Variants in LRRC37A observed in about 807,000 individuals in gnomAD.
LRRC37A encodes the protein leucine rich repeat containing 37A.
A neutral mutation model predicts 35.4 loss-of-function variants in LRRC37A; 3 were observed. The observed-to-expected ratio is 0.08, with a 90% CI of 0.04 to 0.22. LRRC37A has a LOEUF of 0.22. Among genes scored for constraint, LRRC37A ranks in the 10% least tolerant of loss-of-function variants. The probability of loss-of-function intolerance (pLI) is 1.00; values close to 1 mark genes in which losing one functional copy is unlikely to be tolerated. For synonymous variants in LRRC37A, 23 were observed against 215.0 expected, an observed-to-expected ratio of 0.11 and a Z score of 7.81; for missense variants, 67 against 565.3, an observed-to-expected ratio of 0.12 and a Z score of 8.94.
chr17:46,254,457 G>T, the LRRC37A span, among the ~76,000 whole-genome samples: 1 of 151,660 alleles, frequency 6.6e-6, no homozygotes, highest in African/African-American at 2.4e-5. Flanking sequence ...TCTCACTCTT[G>T]TTTCCCAGGC....
At chr17:46,255,533 A>T in the LRRC37A span, among the ~76,000 whole-genome samples, 5 of 147,306 alleles carry the variant, frequency 3.4e-5, no homozygotes, top group East Asian at 1.1e-3. Context: ...CACCCGGCTA[A>T]TTTTGTATTT....
the LRRC37A span, among the ~76,000 whole-genome samples, chr17:46,268,997 T>G: frequency 6.6e-6 from 1 of 152,384 alleles, no homozygotes; most frequent in African/African-American, 2.4e-5. Context: ...AATATTTTAA[T>G]TTAATACATT....
the LRRC37A span, among the ~76,000 whole-genome samples, chr17:46,280,412 G>A: frequency 6.6e-6 from 1 of 151,370 alleles, no homozygotes; most frequent in South Asian, 2.1e-4. Flanking sequence ...AGTGGCTCAC[G>A]GCTGTAATCC....
chr17:46,307,932 A>C lies in LRRC37A; in HGVS notation c.2906+1623A>C, dbSNP rs1486246407. On this transcript the variant is annotated intron_variant, in intron 5 of 13. Coordinates refer to ENST00000320254, the Ensembl canonical transcript of LRRC37A. ...GAGGCTGAGGCAGGAGAATCACTTG[A>C]AACCAGGAGGCGGAGGTTGCAGTGA... Among the ~76,000 whole-genome samples the C allele has an allele frequency of 2.7e-5, 2 of 75,440 alleles. 1 individual carries two copies. Among genetic ancestry groups the C allele is most frequent in the East Asian group, 5.1e-4 (2 of 3,924 alleles). The allele number at this position is 75,440 out of a possible 152,430, so 49.5% of individuals were successfully genotyped here.
chr17:46,317,148 C>T (rs1385949843), intron 5 of LRRC37A, among the ~76,000 whole-genome samples: 3 of 90,142 alleles, frequency 3.3e-5, no homozygotes, highest in African/African-American at 5.9e-5. Context: ...GATGGGGTGG[C>T]GGCCGGGCAG....
chr17:46,282,544 A>T, the LRRC37A span, among the ~76,000 whole-genome samples: 3 of 150,540 alleles, frequency 2.0e-5, no homozygotes, highest in Admixed American at 1.3e-4. Context: ...CCTCCCAAGT[A>T]GCTGGGACTA....
the LRRC37A span, among the ~76,000 whole-genome samples, chr17:46,286,345 G>C: frequency 6.6e-6 from 1 of 152,240 alleles, no homozygotes; most frequent in African/African-American, 2.4e-5. Flanking sequence ...ACATTCAATT[G>C]ATTTTAAAGC....
the LRRC37A span, chr17:46,267,343 G>C: frequency 3.2e-6 from 5 of 1,546,940 alleles, no homozygotes; most frequent in African/African-American, 2.8e-5. Context: ...GATAGTGCAT[G>C]ACGTGGACGT....
the LRRC37A span, among the ~76,000 whole-genome samples, chr17:46,252,672 G>GTGT: frequency 6.6e-6 from 1 of 150,966 alleles, no homozygotes; most frequent in Non-Finnish European, 1.5e-5. Context: ...ACATGTTTCA[G>GTGT]AGAGCACAGG....
At chr17:46,310,307 TAGGTAATTTGCTA>T (rs2050723459) in intron 5 of LRRC37A, 1 of 129,438 alleles carries the variant, frequency 7.7e-6, no homozygotes, top group African/African-American at 2.6e-5. Context: ...TCAGAGACGC[TAGGTAATTTGCTA>T]AGGTTCACAT....
At chr17:46,259,864 T>G in the LRRC37A span, 1 of 1,562,850 alleles carries the variant, frequency 6.4e-7, no homozygotes, top group African/African-American at 1.4e-5. Flanking sequence ...GGACCCTAAC[T>G]TGTCCCTTGC....
the LRRC37A span, among the ~76,000 whole-genome samples, chr17:46,257,395 G>C: frequency 1.3e-5 from 2 of 149,220 alleles, no homozygotes; most frequent in Non-Finnish European, 3.0e-5. Flanking sequence ...GGAGGTTGCA[G>C]TGAGCCAAGA....
upstream of LRRC37A, among the ~76,000 whole-genome samples, chr17:46,291,565 C>T (rs539427371): frequency 6.6e-6 from 1 of 151,636 alleles, no homozygotes; most frequent in Admixed American, 6.5e-5. Flanking sequence ...AACAACACTC[C>T]TCTCACTCAA....
At chr17:46,289,270 C>G, upstream of LRRC37A, among the ~76,000 whole-genome samples, 1 of 152,194 alleles carries the variant, frequency 6.6e-6, no homozygotes, top group Non-Finnish European at 1.5e-5. Flanking sequence ...ATAGCCTTGA[C>G]CTGCCAGGCT....
chr17:46,307,788 GGAT>G (rs2050618752), intron 5 of LRRC37A, among the ~76,000 whole-genome samples: 1 of 79,028 alleles, frequency 1.3e-5, no homozygotes, highest in African/African-American at 3.1e-5. Flanking sequence ...TGAGGTGGGT[GGAT>G]CACCTGAGGT....
upstream of LRRC37A, among the ~76,000 whole-genome samples, chr17:46,289,729 A>G (rs2143445981): frequency 6.6e-6 from 1 of 152,314 alleles, no homozygotes. Context: ...TTCTTCCTAA[A>G]TCTTATAGTC....
chr17:46,305,598 C>T lies in LRRC37A; in HGVS notation c.2825+18C>T. ...AAGTTTATGTAAGTTACAAATATAA[C>T]TTGATTACATTTGGAATTTTTATAA... On this transcript the variant is annotated intron_variant, in intron 4 of 13. Coordinates refer to ENST00000320254, the Ensembl canonical transcript of LRRC37A. 2.6e-6 allele frequency: 1 copy of T among 377,706 alleles called. No individual in the cohort carries two copies. The highest frequency in any genetic ancestry group is 5.6e-6 in the Non-Finnish European group (1 of 177,692). 23.4% of individuals were successfully genotyped at this position (377,706 alleles called of 1,614,324 possible).
the LRRC37A span, among the ~76,000 whole-genome samples, chr17:46,277,653 CTTT>C: frequency 7.3e-6 from 1 of 137,858 alleles, no homozygotes; most frequent in African/African-American, 2.6e-5. Context: ...TTCTTTCTTT[CTTT>C]TTTTTTTTTT....
At chr17:46,279,184 C>CTTTTTTT in the LRRC37A span, among the ~76,000 whole-genome samples, 1 of 136,994 alleles carries the variant, frequency 7.3e-6, no homozygotes. Context: ...TCTTTTTTTT[C>CTTTTTTT]TTTTTTTTTT....
Sources: allele counts gnomAD v4.1 joint callset (sites outside exome capture counted in the v4.1 genomes callset), GRCh38; gene constraint gnomAD v4.1.1; transcripts MANE v1.5; gene names NCBI Gene and HGNC (gene_info 2026-07-23, HGNC 2026-07-21).